FAM107B: variants seen among roughly 807,000 people sequenced by gnomAD.
FAM107B encodes family with sequence similarity 107 member B.
In FAM107B, 21 loss-of-function variants were observed where a neutral mutation model predicts 31.5. The observed-to-expected ratio is 0.67, with a 90% CI of 0.47 to 0.96. FAM107B has a LOEUF of 0.96. Ranked by LOEUF, FAM107B falls within the 40% of genes least tolerant of loss-of-function variation. FAM107B has a pLI of 0.00. For missense variants in FAM107B, 452 were observed against 377.1 expected, an observed-to-expected ratio of 1.20 and a Z score of -1.64; for synonymous variants, 157 against 141.5, an observed-to-expected ratio of 1.11 and a Z score of -0.78.
intron 2 of FAM107B, among the ~76,000 whole-genome samples, chr10:14,619,529 T>C (rs1852943580): frequency 6.6e-6 from 1 of 152,216 alleles, no homozygotes; most frequent in Non-Finnish European, 1.5e-5. Flanking sequence ...ATTGGTTGTG[T>C]GTATTTTCTT....
chr10:14,573,904 A>AAAAC (rs1230757109), intron 2 of FAM107B, among the ~76,000 whole-genome samples: 2 of 150,896 alleles, frequency 1.3e-5, no homozygotes, highest in African/African-American at 4.9e-5. Flanking sequence ...ACATGATATA[A>AAAAC]AAACAAACAA....
intron 1 of FAM107B, 70 bp from the exon 2 acceptor site, chr10:14,667,761 T>A: frequency 1.3e-6 from 2 of 1,516,154 alleles, no homozygotes; most frequent in Non-Finnish European, 9.1e-7. Flanking sequence ...AAGGCAATAC[T>A]TTTTGCAAGC....
chr10:14,671,676 T>C (rs1854547304), intron 1 of FAM107B, among the ~76,000 whole-genome samples: 1 of 151,784 alleles, frequency 6.6e-6, no homozygotes, highest in Non-Finnish European at 1.5e-5. Flanking sequence ...GAGACAGGGG[T>C]TGCAGCTGCT....
chr10:14,591,599 G>C (rs987778559), intron 2 of FAM107B, among the ~76,000 whole-genome samples: 1 of 152,306 alleles, frequency 6.6e-6, no homozygotes, highest in South Asian at 2.1e-4. Flanking sequence ...TCAAACAACA[G>C]TCATCGATGA....
chr10:14,557,068 C>A (rs1332562929), intron 2 of FAM107B, among the ~76,000 whole-genome samples: 1 of 152,254 alleles, frequency 6.6e-6, no homozygotes, highest in African/African-American at 2.4e-5. Context: ...CTTCTCCTGA[C>A]CCCTGGCTCT....
chr10:14,592,584 T>A (rs565976931), intron 2 of FAM107B, among the ~76,000 whole-genome samples: 3 of 152,348 alleles, frequency 2.0e-5, no homozygotes, highest in East Asian at 3.9e-4. Context: ...TGTATCTTTT[T>A]AAAAATATAT....
chr10:14,566,454 A>G (rs945427739), intron 2 of FAM107B, among the ~76,000 whole-genome samples: 3 of 152,108 alleles, frequency 2.0e-5, no homozygotes, highest in African/African-American at 7.2e-5. Context: ...AGGGAAATGA[A>G]TTCTGCCCAT....
chr10:14,640,357 C>T (rs1470504986), intron 2 of FAM107B, among the ~76,000 whole-genome samples: 1 of 152,190 alleles, frequency 6.6e-6, no homozygotes, highest in African/African-American at 2.4e-5. Flanking sequence ...AATGATTTCT[C>T]CAGAATGGTA....
At chr10:14,574,329 C>G (rs1278800628) in intron 2 of FAM107B, among the ~76,000 whole-genome samples, 1 of 152,216 alleles carries the variant, frequency 6.6e-6, no homozygotes, top group Non-Finnish European at 1.5e-5. Flanking sequence ...TATCTCAAAA[C>G]TGAACCCTAG....
At chr10:14,563,458 T>C (rs1258723469) in intron 2 of FAM107B, among the ~76,000 whole-genome samples, 2 of 152,238 alleles carry the variant, frequency 1.3e-5, no homozygotes, top group African/African-American at 2.4e-5. Context: ...TGTAAGCATT[T>C]TACCTGTAAT....
At chr10:14,604,408 C>T (rs979840143) in intron 2 of FAM107B, 3 of 209,342 alleles carry the variant, frequency 1.4e-5, no homozygotes, top group South Asian at 1.6e-4. Flanking sequence ...TCTCGCTCCC[C>T]GCGGCCCCGC....
At chr10:14,723,614 A>G in intron 1 of FAM107B, 1 of 697,190 alleles carries the variant, frequency 1.4e-6, no homozygotes, top group South Asian at 1.4e-5. Context: ...TCTGTGTGAC[A>G]CAGAGCAATG....
At chr10:14,762,530 A>C (rs1833070753) in intron 1 of FAM107B, among the ~76,000 whole-genome samples, 1 of 152,176 alleles carries the variant, frequency 6.6e-6, no homozygotes, top group African/African-American at 2.4e-5. Flanking sequence ...CGAGGCAGGC[A>C]GATCACCTGA....
At chr10:14,591,299 C>T (rs1319368931) in intron 2 of FAM107B, among the ~76,000 whole-genome samples, 1 of 152,196 alleles carries the variant, frequency 6.6e-6, no homozygotes, top group Non-Finnish European at 1.5e-5. Context: ...CACATATGCA[C>T]AGAATTTAAT....
At chr10:14,530,234 C>G in intron 3 of FAM107B, 98 bp downstream of exon 3, 1 of 1,280,714 alleles carries the variant, frequency 7.8e-7, no homozygotes, top group Non-Finnish European at 1.1e-6. Flanking sequence ...TGCAAGAAAT[C>G]AAAGACTCTT....
At chr10:14,734,488 G>GTGTTTTTGTTGTTTTT (rs558940939) in intron 1 of FAM107B, among the ~76,000 whole-genome samples, 2 of 138,546 alleles carry the variant, frequency 1.4e-5, no homozygotes, top group African/African-American at 2.7e-5. Context: ...TTTTTGTGAG[G>GTGTTTTTGTTGTTTTT]TTTTTTTTTT....
chr10:14,706,886 G>T (rs1855532731), intron 1 of FAM107B, among the ~76,000 whole-genome samples: 1 of 152,158 alleles, frequency 6.6e-6, no homozygotes, highest in Non-Finnish European at 1.5e-5. Context: ...CAGCACTTTG[G>T]GAGGCTGAGG....
At chr10:14,676,978 T>A (rs186603942) in intron 1 of FAM107B, among the ~76,000 whole-genome samples, 1 of 152,290 alleles carries the variant, frequency 6.6e-6, no homozygotes, top group Admixed American at 6.5e-5. Flanking sequence ...TCACTCCAAC[T>A]CAGGACAACT....
Position 14,518,849 on chromosome 10 carries a change from AAAAATG to A in FAM107B, c.*2335_*2340del, listed in dbSNP as rs1845366537. On this transcript the variant is annotated 3_prime_UTR_variant, in exon 5 of 5. Coordinates refer to ENST00000181796, the MANE Select transcript of FAM107B (RefSeq NM_031453.4). The stretch of plus-strand genomic sequence containing the variant: ...CTATTTTAAGAAAACCACGCTGTGG[AAAAATG>A]GAGCCATTTTTGTCAAAAAGTGGCT... 1 of 152,608 alleles carries A rather than the reference AAAAATG, an allele frequency of 6.6e-6. No homozygotes were observed. The highest frequency in any genetic ancestry group is 1.5e-5 in the Non-Finnish European group (1 of 68,032). The allele number at this position is 152,608 out of a possible 1,614,324, so 9.5% of individuals were successfully genotyped here.
Sources: gnomAD v4.1 joint callset for allele counts (sites outside exome capture counted in the v4.1 genomes callset) on GRCh38, gnomAD v4.1.1 for gene constraint, MANE v1.5 for transcripts, NCBI Gene and HGNC (gene_info 2026-07-23, HGNC 2026-07-21) for gene names.